The following CCNY variants were observed in gnomAD, a reference collection of about 807,000 sequenced individuals.
The protein encoded by CCNY is cyclin Y.
CCNY carries 19 observed loss-of-function variants against 42.8 expected under a neutral mutation model. The ratio of observed to expected loss-of-function variants is 0.44; its 90% confidence interval spans 0.31 to 0.65. CCNY has a LOEUF of 0.65. CCNY is among the 30% of genes least tolerant of loss of function. CCNY has a pLI of 0.07. For synonymous variants in CCNY, 165 were observed against 162.7 expected, an observed-to-expected ratio of 1.01 and a Z score of -0.11; for missense variants, 370 against 437.3, an observed-to-expected ratio of 0.85 and a Z score of 1.37.
intron 3 of CCNY, chr10:35,314,667 A>G (rs1337138596): frequency 2.6e-5 from 4 of 152,110 alleles, no homozygotes; most frequent in African/African-American, 9.7e-5. Context: ...TATGACACAG[A>G]AATGTCCTGC....
intron 8 of CCNY, among the ~76,000 whole-genome samples, chr10:35,556,728 G>A (rs1475114194): frequency 6.6e-6 from 1 of 152,236 alleles, no homozygotes; most frequent in Admixed American, 6.5e-5. Context: ...TACTTGGCAC[G>A]GTTGTGTCTC....
At chr10:35,343,707 C>T (rs893216984) in intron 1 of CCNY, among the ~76,000 whole-genome samples, 4 of 152,186 alleles carry the variant, frequency 2.6e-5, no homozygotes, top group African/African-American at 7.2e-5. Context: ...CTTGCTTTTA[C>T]ATTTCTGGCT....
chr10:35,511,825 G>A (rs1840330456), intron 3 of CCNY, among the ~76,000 whole-genome samples: 1 of 152,230 alleles, frequency 6.6e-6, no homozygotes, highest in Non-Finnish European at 1.5e-5. Context: ...GGTGTGCAGG[G>A]AAAGAGGAAG....
chr10:35,561,069 C>T (rs1434514765), intron 8 of CCNY, among the ~76,000 whole-genome samples: 3 of 152,196 alleles, frequency 2.0e-5, no homozygotes, highest in Non-Finnish European at 2.9e-5. Flanking sequence ...ACCCAAGCTG[C>T]ACTCCCTACC....
chr10:35,551,506 C>T (rs377622353), intron 7 of CCNY, among the ~76,000 whole-genome samples: 1 of 152,042 alleles, frequency 6.6e-6, no homozygotes, highest in African/African-American at 2.4e-5. Flanking sequence ...TTAAAAATAG[C>T]ATGGATGGTG....
upstream of CCNY, among the ~76,000 whole-genome samples, chr10:35,332,623 G>A (rs1285288020): frequency 6.6e-6 from 1 of 151,966 alleles, no homozygotes; most frequent in Non-Finnish European, 1.5e-5. Context: ...AGTTTTTTTT[G>A]AGACGGAGTC....
At chr10:35,534,974 C>CACACAT (rs1433358098) in intron 7 of CCNY, among the ~76,000 whole-genome samples, 7 of 134,838 alleles carry the variant, frequency 5.2e-5, no homozygotes, top group East Asian at 2.3e-4. Flanking sequence ...CACACACACA[C>CACACAT]ATATATATAT....
intron 1 of CCNY, among the ~76,000 whole-genome samples, chr10:35,448,454 ATAT>A (rs949869409): frequency 7.2e-5 from 11 of 152,092 alleles, no homozygotes; most frequent in African/African-American, 2.2e-4. Flanking sequence ...CATGAGGGTA[ATAT>A]TATTATTATA....
Position 35,300,188 on chromosome 10 carries a change from G to A in CCNY, c.-9+49562G>A, listed in dbSNP as rs1186620024. On this transcript the variant is annotated intron_variant, in intron 3 of 11. Transcript: ENST00000374706. ...GTAAGAGGGCTCCCATGTGGATTTC[G>A]AGCTCTTGCTCTGTCTAGCTTACTC... 4.6e-5 allele frequency among the ~76,000 whole-genome samples: 7 copies of A among 152,286 alleles called. No homozygotes were observed. In the South Asian group the frequency reaches 1.0e-3, roughly 23 times the overall value.
chr10:35,249,702 C>G (rs377713229), intron 2 of CCNY, among the ~76,000 whole-genome samples: 2 of 152,268 alleles, frequency 1.3e-5, no homozygotes, highest in East Asian at 3.9e-4. Context: ...TCACCTTGTA[C>G]AGTAGGGAGT....
chr10:35,284,305 T>G (rs997233860), intron 3 of CCNY, among the ~76,000 whole-genome samples: 2 of 152,144 alleles, frequency 1.3e-5, no homozygotes, highest in African/African-American at 4.8e-5. Flanking sequence ...AATATACATC[T>G]GTAAAACCAT....
chr10:35,564,771 T>A (rs888219604), intron 8 of CCNY, among the ~76,000 whole-genome samples: 1 of 152,210 alleles, frequency 6.6e-6, no homozygotes, highest in Admixed American at 6.5e-5. Flanking sequence ...CCCTGGTTCC[T>A]CTCCGCCAGA....
At position 35,304,318 on chromosome 10, in the gene CCNY, A is replaced by ATTT. The variant is rs1461045175; in HGVS notation, c.-9+53699_-9+53701dup. Among the ~76,000 whole-genome samples, 8 of 97,268 alleles carry ATTT rather than the reference A, an allele frequency of 8.2e-5. 1 individual carries two copies. The highest frequency in any genetic ancestry group is 5.8e-4 in the East Asian group (2 of 3,478). The allele number at this position is 97,268 out of a possible 152,430, so 63.8% of individuals were successfully genotyped here. A position where few individuals can be genotyped will look rare whatever the true frequency, so the allele number is the denominator to read the frequency against. ...TATTTTTTTTTTTTTTTTATTTTTT[A>ATTT]TTTTTTTTTGAGACGGAGTCTCGCT... On this transcript the variant is annotated intron_variant, in intron 3 of 11. Transcript: ENST00000374706.
rs567806050 is a variant in CCNY at position 35,545,370 on chromosome 10, C to T, written c.580-7649C>T. On this transcript the variant is annotated intron_variant, in intron 7 of 9. Coordinates refer to ENST00000374704, the MANE Select transcript of CCNY (RefSeq NM_145012.6). ...CTCCCAGTCCTGGAGGCCAGAAGTC[C>T]GAAATCAAGGCACTGGCCGGGTTAG... Among the ~76,000 whole-genome samples, 15 of 152,294 alleles carry T rather than the reference C, an allele frequency of 9.8e-5. 1 individual carries two copies. The highest frequency in any genetic ancestry group is 7.2e-4 in the Admixed American group (11 of 15,302).
rs372635425 is a variant in CCNY, at chr10:35,487,204, T to C, written c.229+3726T>C. Among the ~76,000 whole-genome samples the C allele has an allele frequency of 2.7e-4, 41 of 152,348 alleles. 1 individual carries two copies. Among genetic ancestry groups the C allele is most frequent in the African/African-American group, 9.9e-4 (41 of 41,582 alleles). The stretch of plus-strand genomic sequence containing the variant: ...ACTGTGGGTCTTCTACCCTATTTTT[T>C]TTCTAGTTGGAAGAAATATAGTCTG... On this transcript the variant is annotated intron_variant, in intron 2 of 9. Transcript: ENST00000374704.
intron 7 of CCNY, among the ~76,000 whole-genome samples, chr10:35,546,223 C>T (rs560711355): frequency 2.7e-4 from 41 of 152,198 alleles, no homozygotes; most frequent in Non-Finnish European, 4.4e-4. Context: ...GACAATTAAC[C>T]GGCCTAGTAT....
chr10:35,281,004 C>T (rs914402044), intron 3 of CCNY, among the ~76,000 whole-genome samples: 2 of 152,162 alleles, frequency 1.3e-5, no homozygotes, highest in Non-Finnish European at 2.9e-5. Context: ...GTTGCTCTAC[C>T]TCATTAGTCA....
intron 1 of CCNY, among the ~76,000 whole-genome samples, chr10:35,372,195 A>G (rs1435759872): frequency 6.6e-6 from 1 of 152,064 alleles, no homozygotes; most frequent in Non-Finnish European, 1.5e-5. Flanking sequence ...GGATGGGGGA[A>G]CTCCAGGGTT....
At position 35,497,504 on chromosome 10, in the gene CCNY, G is replaced by A. The variant is rs373707579; in HGVS notation, c.230-3997G>A. ...TGTAATCCCAGCGCTTTGGGAGGCC[G>A]AGGCAGGTGGATCACTTGAGGTGAG... is the stretch of plus-strand genomic sequence containing the variant. On this transcript the variant is annotated intron_variant, in intron 2 of 9. Coordinates refer to ENST00000374704, the MANE Select transcript of CCNY (RefSeq NM_145012.6). 5.9e-5 allele frequency among the ~76,000 whole-genome samples: 9 copies of A among 152,142 alleles called. 1 individual carries two copies. The highest frequency in any genetic ancestry group is 4.1e-4 in the South Asian group (2 of 4,834).
Sources: gnomAD v4.1 joint callset for allele counts (sites outside exome capture counted in the v4.1 genomes callset) on GRCh38, gnomAD v4.1.1 for gene constraint, MANE v1.5 for transcripts, NCBI Gene and HGNC (gene_info 2026-07-23, HGNC 2026-07-21) for gene names.